Variants in PARD3B observed in about 807,000 individuals in gnomAD.
PARD3B encodes the protein partitioning defective 3 homolog B.
PARD3B carries 103 observed loss-of-function variants against 130.2 expected under a neutral mutation model. The observed-to-expected ratio is 0.79, with a 90% CI of 0.67 to 0.93. The LOEUF is 0.93. Ranked by LOEUF, PARD3B falls within the 40% of genes least tolerant of loss-of-function variation. PARD3B has a pLI of 0.00. For synonymous variants in PARD3B, 583 were observed against 553.2 expected (o/e 1.05, Z -0.76); for missense variants, 1,609 against 1,499.2 (o/e 1.07, Z -1.21).
At chr2:205,058,750 T>C (rs768343324) in intron 4 of PARD3B, among the ~76,000 whole-genome samples, 1 of 152,020 alleles carries the variant, frequency 6.6e-6, no homozygotes, top group Non-Finnish European at 1.5e-5. Flanking sequence ...TTTGGGAAAC[T>C]GTCTTTTCAA....
At chr2:204,839,881 G>A (rs892112023) in intron 2 of PARD3B, among the ~76,000 whole-genome samples, 2 of 152,124 alleles carry the variant, frequency 1.3e-5, no homozygotes, top group African/African-American at 4.8e-5. Context: ...GTAAGGCTAG[G>A]TTTCTGCGGC....
chr2:204,965,421 T>C (rs1433210439), intron 3 of PARD3B, 98 bp downstream of exon 3: 22 of 1,239,124 alleles, frequency 1.8e-5, no homozygotes, highest in Non-Finnish European at 2.4e-5. Context: ...ATCCTGTTAA[T>C]ATTTTATATC....
intron 2 of PARD3B, among the ~76,000 whole-genome samples, chr2:204,733,407 A>G (rs938732670): frequency 3.3e-5 from 5 of 151,220 alleles, no homozygotes; most frequent in Non-Finnish European, 7.4e-5. Context: ...GTCAGTTTTT[A>G]TGTCATTAAA....
At chr2:204,865,639 G>C (rs929308636) in intron 2 of PARD3B, among the ~76,000 whole-genome samples, 3 of 152,040 alleles carry the variant, frequency 2.0e-5, no homozygotes, top group African/African-American at 7.2e-5. Context: ...CGGGGGAAAG[G>C]GTGGGAGGCA....
intron 18 of PARD3B, among the ~76,000 whole-genome samples, chr2:205,333,671 CTAGTCTTAGAA>C: frequency 6.6e-6 from 1 of 152,192 alleles, no homozygotes; most frequent in Non-Finnish European, 1.5e-5. Context: ...CTTGACAATT[CTAGTCTTAGAA>C]TATTTTCCAT....
Position 205,525,156 on chromosome 2 carries a change from CTGGAAAA to C in PARD3B, c.3180+25127_3180+25133del, listed in dbSNP as rs1400798454. 6.6e-6 allele frequency among the ~76,000 whole-genome samples: 1 copy of C among 152,164 alleles called. No homozygotes were observed. Among genetic ancestry groups the C allele is most frequent in the Non-Finnish European group, 1.5e-5 (1 of 68,034 alleles). On this transcript the variant is annotated intron_variant, in intron 21 of 22. Transcript: ENST00000406610. The surrounding 1 kb of genome is among the most constrained non-coding windows in gnomAD (Gnocchi z 4.2). ...AAGCAATGCCTAGCTCATGGTATGA[CTGGAAAA>C]TACTAGGGCTTTTTTCCCCTCCTAC...
rs2035905054 is a variant in PARD3B at position 205,183,413 on chromosome 2, T to C, written c.1925-2351T>C. Among the ~76,000 whole-genome samples, 1 of 152,214 alleles carries C rather than the reference T, an allele frequency of 6.6e-6. No homozygotes were observed. Among genetic ancestry groups the C allele is most frequent in the Non-Finnish European group, 1.5e-5 (1 of 68,034 alleles). On this transcript the variant is annotated intron_variant, in intron 13 of 22. Coordinates refer to ENST00000406610, the MANE Select transcript of PARD3B (RefSeq NM_001302769.2). This position sits in a 1 kb window ranked among gnomAD's most constrained non-coding sequence, Gnocchi z 5.2. ...CAACAGAAAGGAAGTTGTCCCAGGATGTCCATTGTCCCCAATTTACATTAC... is the reference window on the plus strand; with the variant it reads ...CAACAGAAAGGAAGTTGTCCCAGGACGTCCATTGTCCCCAATTTACATTAC...
In PARD3B at chr2:205,031,417, CCCTGAGAAGA is replaced by C. The variant is rs1276433855; in HGVS notation, c.395-16158_395-16149del. Among the ~76,000 whole-genome samples the C allele has an allele frequency of 9.2e-5, 14 of 152,194 alleles. 1 individual carries two copies. In the South Asian group the frequency reaches 2.9e-3, roughly 32 times the overall value. Reference sequence around the variant, plus strand: ...ATAGCACTGTGCATTGGTTTGCTTACCCTGAGAAGACCTGAAAGATGAGATTATGATCTTT... The same window carrying C: ...ATAGCACTGTGCATTGGTTTGCTTACCCTGAAAGATGAGATTATGATCTTT... On this transcript the variant is annotated intron_variant, in intron 3 of 22. Transcript: ENST00000406610.
At position 205,584,348 on chromosome 2, in the gene PARD3B, T is replaced by C. The variant is rs1361201341; in HGVS notation, c.3260+30945T>C. ...AAGTAAAATAAATTATTAAAATTAG[T>C]TTTACTTTTGAATGTGGATACAAGA... On this transcript the variant is annotated intron_variant, in intron 22 of 22. Coordinates refer to ENST00000406610, the MANE Select transcript of PARD3B (RefSeq NM_001302769.2). The surrounding 1 kb of genome is among the most constrained non-coding windows in gnomAD (Gnocchi z 5.5). Among the ~76,000 whole-genome samples, 2 of 152,202 alleles carry C rather than the reference T, an allele frequency of 1.3e-5. No individual in the cohort carries two copies. The highest frequency in any genetic ancestry group is 2.9e-5 in the Non-Finnish European group (2 of 68,036).
chr2:205,397,018 T>C lies in PARD3B; in HGVS notation c.2631-3995T>C, dbSNP rs1054370836. Among the ~76,000 whole-genome samples, 1 of 152,048 alleles carries C rather than the reference T, an allele frequency of 6.6e-6. No individual in the cohort carries two copies. The highest frequency in any genetic ancestry group is 2.4e-5 in the African/African-American group (1 of 41,372). ...ACCAAGTTGAATCTTTCCCCCTCACTCTCTCCCCCGGTCCACTACTGCCAC... is the reference window on the plus strand; with the variant it reads ...ACCAAGTTGAATCTTTCCCCCTCACCCTCTCCCCCGGTCCACTACTGCCAC... On this transcript the variant is annotated intron_variant, in intron 18 of 22. Coordinates refer to ENST00000406610, the MANE Select transcript of PARD3B (RefSeq NM_001302769.2). This position sits in a 1 kb window ranked among gnomAD's most constrained non-coding sequence, Gnocchi z 4.8.
At chr2:204,810,787 C>T (rs546551003) in intron 2 of PARD3B, among the ~76,000 whole-genome samples, 1 of 152,074 alleles carries the variant, frequency 6.6e-6, no homozygotes, top group African/African-American at 2.4e-5. Context: ...TGTTGTGTCT[C>T]TGTCAGGTTT....
At chr2:204,917,877 A>G (rs932854482) in intron 2 of PARD3B, among the ~76,000 whole-genome samples, 7 of 152,176 alleles carry the variant, frequency 4.6e-5, no homozygotes, top group Non-Finnish European at 7.4e-5. Context: ...TAAACTGACA[A>G]TAGTAATAGT....
At chr2:205,173,806 C>A (rs1410537330) in intron 12 of PARD3B, among the ~76,000 whole-genome samples, 1 of 152,156 alleles carries the variant, frequency 6.6e-6, no homozygotes, top group Non-Finnish European at 1.5e-5. Context: ...CTGCCACTTC[C>A]TGCCCTGAGA....
intron 3 of PARD3B, among the ~76,000 whole-genome samples, chr2:205,044,204 A>G (rs1159677328): frequency 2.6e-5 from 4 of 151,092 alleles, no homozygotes; most frequent in Non-Finnish European, 4.4e-5. Flanking sequence ...CCAGTCTATC[A>G]TTGTTGGACA....
At chr2:205,098,066 T>A (rs1183817611) in intron 4 of PARD3B, among the ~76,000 whole-genome samples, 2 of 152,226 alleles carry the variant, frequency 1.3e-5, no homozygotes, top group African/African-American at 4.8e-5. Context: ...AGCACAGATA[T>A]TTTTGTTCTG....
chr2:204,766,351 T>C (rs2041147573), intron 2 of PARD3B, among the ~76,000 whole-genome samples: 1 of 152,160 alleles, frequency 6.6e-6, no homozygotes, highest in African/African-American at 2.4e-5. Context: ...TAACTACCCA[T>C]TGTAGAAAAT....
chr2:204,663,007 G>C (rs73059050), intron 1 of PARD3B, among the ~76,000 whole-genome samples: 1,951 of 152,238 alleles, frequency 0.013, 23 homozygotes, highest in Middle Eastern at 0.031. Context: ...ACTTCATCAA[G>C]AAGTGGGGCT....
At chr2:205,119,131 T>TC in intron 7 of PARD3B, 85 bp downstream of exon 7, 1 of 1,442,914 alleles carries the variant, frequency 6.9e-7, no homozygotes, top group Non-Finnish European at 9.2e-7. Flanking sequence ...ATCAAAATAG[T>TC]AGGTAGAATT....
chr2:205,022,420 G>A (rs1437048275), intron 3 of PARD3B, among the ~76,000 whole-genome samples: 1 of 152,118 alleles, frequency 6.6e-6, no homozygotes, highest in East Asian at 1.9e-4. Flanking sequence ...GAATCTTAAT[G>A]GGCTAGAACA....
Sources: gnomAD v4.1 joint callset for allele counts (sites outside exome capture counted in the v4.1 genomes callset) on GRCh38, gnomAD v4.1.1 for gene constraint, Gnocchi (gnomAD v3.1) non-coding constraint, MANE v1.5 for transcripts, NCBI Gene and HGNC (gene_info 2026-07-23, HGNC 2026-07-21) for gene names.